Variants in PCDH15 observed in about 807,000 individuals in gnomAD.
PCDH15 encodes protocadherin-15.
Under a neutral mutation model 178.5 loss-of-function variants are expected in PCDH15, and 129 were observed. The observed-to-expected ratio is 0.72, with a 90% CI of 0.63 to 0.84. The LOEUF (loss-of-function observed/expected upper bound fraction) is 0.84, where lower values mean the gene tolerates loss of function less well. Among genes scored for constraint, PCDH15 ranks in the 40% least tolerant of loss-of-function variants. PCDH15 has a pLI of 0.00. For synonymous variants in PCDH15, 800 were observed against 732.0 expected (o/e 1.09, Z -1.50); for missense variants, 2,230 against 2,099.9 (o/e 1.06, Z -1.21).
chr10:54,745,313 A>G (rs1591405780), intron 1 of PCDH15, among the ~76,000 whole-genome samples: 1 of 145,784 alleles, frequency 6.9e-6, no homozygotes, highest in African/African-American at 2.5e-5. Context: ...GACTTTAACT[A>G]TAGGAAAAAC....
chr10:53,809,409 G>A lies in PCDH15; in HGVS notation c.4671+1147C>T, dbSNP rs2075784191. On this transcript the variant is annotated intron_variant, in intron 37 of 37. Transcript: ENST00000644397. ...ATCCTCTAACTTTCTTAAAAATCAT[G>A]GGGAATATTCTGGCTCTCTTCCATG... 2.5e-6 allele frequency: 4 copies of A among 1,613,802 alleles called. No homozygotes were observed. The African/African-American group carries it at 5.3e-5, about 22-fold the overall frequency.
intron 6 of PCDH15, among the ~76,000 whole-genome samples, chr10:54,333,564 T>TAAGA (rs1940341967): frequency 7.0e-6 from 1 of 143,812 alleles, no homozygotes; most frequent in Non-Finnish European, 1.5e-5. Flanking sequence ...CTAAAAAGTT[T>TAAGA]AAAAAAAAAA....
intron 2 of PCDH15, among the ~76,000 whole-genome samples, chr10:55,059,022 A>T (rs1469193648): frequency 5.3e-5 from 8 of 152,196 alleles, no homozygotes; most frequent in Non-Finnish European, 1.2e-4. Context: ...TAATTAAATC[A>T]CGGTCCGTGA....
At chr10:55,259,424 G>A (rs1240426249) in intron 1 of PCDH15, among the ~76,000 whole-genome samples, 1 of 152,176 alleles carries the variant, frequency 6.6e-6, no homozygotes, top group Non-Finnish European at 1.5e-5. Flanking sequence ...GGGACAGGGA[G>A]TGGTTAACTA....
At chr10:55,306,015 A>C (rs1005033678) in intron 1 of PCDH15, among the ~76,000 whole-genome samples, 23 of 152,212 alleles carry the variant, frequency 1.5e-4, no homozygotes, top group Middle Eastern at 3.2e-3. Flanking sequence ...TTAGCCTGAA[A>C]CTGATTTTTT....
At chr10:55,207,049 C>A (rs1840421888) in intron 1 of PCDH15, among the ~76,000 whole-genome samples, 1 of 151,964 alleles carries the variant, frequency 6.6e-6, no homozygotes. Flanking sequence ...TATTTTCTCT[C>A]ACACCCTTCT....
chr10:54,090,685 T>C (rs2094586527), intron 15 of PCDH15, among the ~76,000 whole-genome samples: 1 of 151,180 alleles, frequency 6.6e-6, no homozygotes. Context: ...GTTTACAGTG[T>C]CGATAAAGTG....
chr10:55,600,363 T>TAA (rs34329607), intron 2 of PCDH15, among the ~76,000 whole-genome samples: 10 of 141,400 alleles, frequency 7.1e-5, no homozygotes, highest in East Asian at 4.1e-4. Flanking sequence ...GACTCTGTCT[T>TAA]AAAAAAAAAA....
chr10:55,233,494 A>G (rs1026618918), intron 1 of PCDH15, among the ~76,000 whole-genome samples: 1 of 152,130 alleles, frequency 6.6e-6, no homozygotes, highest in African/African-American at 2.4e-5. Flanking sequence ...AATATAATCA[A>G]TATCTCTTTT....
intron 2 of PCDH15, among the ~76,000 whole-genome samples, chr10:54,546,866 T>C (rs1431382507): frequency 6.6e-6 from 1 of 152,166 alleles, no homozygotes; most frequent in Admixed American, 6.6e-5. Flanking sequence ...ATTTTGAAAT[T>C]TGACATATGG....
chr10:53,855,886 TA>T (rs201605964), intron 28 of PCDH15, among the ~76,000 whole-genome samples: 6 of 95,600 alleles, frequency 6.3e-5, no homozygotes, highest in Admixed American at 1.2e-4. Context: ...ACTTAAAAGT[TA>T]AAAAAAAAGG....
At position 55,567,735 on chromosome 10, in the gene PCDH15, T is replaced by A. The variant is rs112619470; in HGVS notation, c.-156+59890A>T. On this transcript the variant is annotated intron_variant, in intron 2 of 5. Coordinates refer to the PCDH15 transcript ENST00000613346. ...AGGAAAATGCAAATAAAAACTACAA[T>A]GAGATTATTTTGTAGTTCATAAGCG... Among the ~76,000 whole-genome samples the A allele has an allele frequency of 2.7e-3, 408 of 151,818 alleles. 6 individuals carry two copies. Among genetic ancestry groups the A allele is most frequent in the Non-Finnish European group, 2.3e-3 (153 of 67,884 alleles).
intron 3 of PCDH15, among the ~76,000 whole-genome samples, chr10:54,388,494 T>C (rs1276531071): frequency 6.6e-6 from 1 of 152,154 alleles, no homozygotes; most frequent in East Asian, 1.9e-4. Context: ...CATGCCTTCG[T>C]GACCTCTAAT....
intron 1 of PCDH15, among the ~76,000 whole-genome samples, chr10:55,298,377 G>A (rs1311051120): frequency 2.0e-5 from 3 of 152,130 alleles, no homozygotes; most frequent in Non-Finnish European, 2.9e-5. Context: ...TTGAAAGAAA[G>A]GACATATGAA....
intron 3 of PCDH15, among the ~76,000 whole-genome samples, chr10:54,443,143 TTG>T (rs1300588294): frequency 1.3e-5 from 2 of 151,726 alleles, no homozygotes; most frequent in African/African-American, 2.4e-5. Context: ...CCCATAATTA[TTG>T]TGTTTCCAGC....
intron 3 of PCDH15, among the ~76,000 whole-genome samples, chr10:54,450,694 A>G (rs1412613899): frequency 2.6e-5 from 4 of 151,776 alleles, no homozygotes; most frequent in Non-Finnish European, 4.4e-5. Flanking sequence ...AAGGGAATTT[A>G]CTAGCTTCAA....
intron 3 of PCDH15, among the ~76,000 whole-genome samples, chr10:54,399,994 A>G (rs1481969379): frequency 6.6e-6 from 1 of 152,086 alleles, no homozygotes; most frequent in Non-Finnish European, 1.5e-5. Flanking sequence ...GATGAAAATC[A>G]GTATTTAGTA....
chr10:54,681,001 T>C (rs752689155), intron 1 of PCDH15, among the ~76,000 whole-genome samples: 27 of 152,086 alleles, frequency 1.8e-4, no homozygotes, highest in Non-Finnish European at 3.7e-4. Flanking sequence ...TTTTAGAGAA[T>C]CCCATAACAG....
chr10:54,610,639 C>T (rs1330343806), intron 2 of PCDH15, among the ~76,000 whole-genome samples: 2 of 151,808 alleles, frequency 1.3e-5, no homozygotes, highest in Non-Finnish European at 2.9e-5. Flanking sequence ...ACTACTTAGT[C>T]ATTATATATT....
Sources: allele counts gnomAD v4.1 joint callset (sites outside exome capture counted in the v4.1 genomes callset), GRCh38; gene constraint gnomAD v4.1.1; transcripts MANE v1.5; gene names NCBI Gene and HGNC (gene_info 2026-07-23, HGNC 2026-07-21).